Variants in STARD13 observed in about 807,000 individuals in gnomAD.
STARD13 encodes StAR related lipid transfer domain containing 13.
STARD13 carries 62 observed loss-of-function variants against 106.4 expected under a neutral mutation model. The observed-to-expected ratio is 0.58, with a 90% CI of 0.48 to 0.72. The LOEUF (loss-of-function observed/expected upper bound fraction) is 0.72, where lower values mean the gene tolerates loss of function less well. STARD13 is among the 30% of genes least tolerant of loss of function. The pLI is 0.00. For synonymous variants in STARD13, 565 were observed against 553.0 expected (o/e 1.02, Z -0.31); for missense variants, 1,387 against 1,424.0 (o/e 0.97, Z 0.42).
the STARD13 span, among the ~76,000 whole-genome samples, chr13:33,459,359 A>T: frequency 6.6e-6 from 1 of 152,184 alleles, no homozygotes. Context: ...TACAGCATTT[A>T]TTCTGTTTTT....
chr13:33,489,675 C>G, the STARD13 span, among the ~76,000 whole-genome samples: 1 of 152,202 alleles, frequency 6.6e-6, no homozygotes, highest in Non-Finnish European at 1.5e-5. Flanking sequence ...TATCCAGCTT[C>G]TACGGCCAAA....
chr13:33,423,109 CT>C, the STARD13 span, among the ~76,000 whole-genome samples: 1 of 152,196 alleles, frequency 6.6e-6, no homozygotes, highest in Non-Finnish European at 1.5e-5. Context: ...TCTAATTAAA[CT>C]GAAGAGCTTC....
At chr13:33,170,884 G>T (rs61941384) in intron 1 of STARD13, among the ~76,000 whole-genome samples, 10,109 of 152,148 alleles carry the variant, frequency 0.066, 529 homozygotes, top group East Asian at 0.21. Context: ...ATCTGAGTTT[G>T]CCCATCCAAT....
the STARD13 span, chr13:33,611,313 A>ACC: frequency 1.3e-5 from 2 of 152,304 alleles, no homozygotes; most frequent in African/African-American, 4.8e-5. Flanking sequence ...CAAATGCCAC[A>ACC]CCGATTGTGC....
At chr13:33,369,374 G>A in the STARD13 span, among the ~76,000 whole-genome samples, 2 of 152,152 alleles carry the variant, frequency 1.3e-5, no homozygotes, top group African/African-American at 2.4e-5. Context: ...CTCTTGCTGA[G>A]CTTTTCTCCC....
chr13:33,322,049 T>C (rs1429688231), intron 1 of STARD13, among the ~76,000 whole-genome samples: 3 of 152,218 alleles, frequency 2.0e-5, no homozygotes, highest in Non-Finnish European at 4.4e-5. Context: ...CTGAATAAAG[T>C]AGTGTTCAGC....
the STARD13 span, among the ~76,000 whole-genome samples, chr13:33,528,188 T>TATAC: frequency 4.0e-3 from 553 of 137,624 alleles, 9 homozygotes; most frequent in African/African-American, 0.015. Context: ...TATATATATA[T>TATAC]ACACACACAC....
chr13:33,512,493 G>A, the STARD13 span, among the ~76,000 whole-genome samples: 2 of 151,904 alleles, frequency 1.3e-5, no homozygotes, highest in Admixed American at 1.3e-4. Flanking sequence ...TTGAGGCGAA[G>A]TTTTGCTCTT....
At chr13:33,402,682 C>A in the STARD13 span, among the ~76,000 whole-genome samples, 2 of 152,164 alleles carry the variant, frequency 1.3e-5, no homozygotes, top group Non-Finnish European at 2.9e-5. Context: ...AGCAGAGGAG[C>A]AGATAAGGAG....
intron 1 of STARD13, among the ~76,000 whole-genome samples, chr13:33,201,270 C>G (rs934478055): frequency 6.6e-6 from 1 of 151,978 alleles, no homozygotes; most frequent in Non-Finnish European, 1.5e-5. Flanking sequence ...AACAGAAACC[C>G]TCCCACACTG....
chr13:33,328,455 T>C (rs778869792), intron 1 of STARD13, among the ~76,000 whole-genome samples: 5 of 152,260 alleles, frequency 3.3e-5, no homozygotes, highest in Non-Finnish European at 7.3e-5. Context: ...GTCTCTGTGC[T>C]AAAACATAGC....
chr13:33,556,395 C>T, the STARD13 span, among the ~76,000 whole-genome samples: 5 of 151,908 alleles, frequency 3.3e-5, no homozygotes, highest in Non-Finnish European at 7.4e-5. Context: ...AATCCTCCAC[C>T]CAAGGCTCCT....
chr13:33,343,778 G>A (rs73480117), downstream of STARD13, among the ~76,000 whole-genome samples: 5,082 of 151,452 alleles, frequency 0.034, 293 homozygotes, highest in African/African-American at 0.12. Flanking sequence ...TTCAGGTCTT[G>A]TCACTCCTCT....
chr13:33,170,794 A>G (rs963527681), intron 1 of STARD13, among the ~76,000 whole-genome samples: 6 of 152,200 alleles, frequency 3.9e-5, no homozygotes, highest in Non-Finnish European at 7.3e-5. Flanking sequence ...TGATACCTCA[A>G]TTTAAGGACA....
intron 1 of STARD13, among the ~76,000 whole-genome samples, chr13:33,270,216 A>T (rs1385663518): frequency 1.3e-5 from 2 of 152,224 alleles, no homozygotes. Context: ...AGCCTGGGCA[A>T]CAGAGTGAGA....
chr13:33,214,741 C>T (rs190817083), intron 1 of STARD13, among the ~76,000 whole-genome samples: 2 of 150,554 alleles, frequency 1.3e-5, no homozygotes, highest in African/African-American at 4.9e-5. Context: ...CACACACATC[C>T]CCTGCAATGG....
chr13:33,485,927 G>A, the STARD13 span, among the ~76,000 whole-genome samples: 3 of 152,168 alleles, frequency 2.0e-5, no homozygotes, highest in Non-Finnish European at 2.9e-5. Flanking sequence ...ATTATCAGGT[G>A]TACTTTGGTG....
chr13:33,642,451 C>T, the STARD13 span, among the ~76,000 whole-genome samples: 5 of 152,328 alleles, frequency 3.3e-5, no homozygotes, highest in Non-Finnish European at 5.9e-5. Flanking sequence ...GAACACAGGA[C>T]GGCTGTGGGT....
the STARD13 span, among the ~76,000 whole-genome samples, chr13:33,671,457 AT>A: frequency 2.0e-5 from 3 of 152,204 alleles, no homozygotes; most frequent in African/African-American, 7.2e-5. Flanking sequence ...CTAAAATAGG[AT>A]GGTCGTGATC....
Sources: allele counts gnomAD v4.1 joint callset (sites outside exome capture counted in the v4.1 genomes callset), GRCh38; gene constraint gnomAD v4.1.1; transcripts MANE v1.5; gene names NCBI Gene and HGNC (gene_info 2026-07-23, HGNC 2026-07-21).